MTUS2: variants seen among roughly 807,000 people sequenced by gnomAD.
MTUS2 encodes the protein microtubule associated scaffold protein 2.
A neutral mutation model predicts 114.1 loss-of-function variants in MTUS2; 40 were observed. That is an observed-to-expected ratio of 0.35 (90% confidence interval 0.27 to 0.46). The LOEUF is 0.46. MTUS2 is among the 20% of genes least tolerant of loss of function. The probability of loss-of-function intolerance (pLI) is 1.00; values close to 1 mark genes in which losing one functional copy is unlikely to be tolerated. For missense variants in MTUS2, 1,679 were observed against 1,705.4 expected, an observed-to-expected ratio of 0.98 and a Z score of 0.27; for synonymous variants, 688 against 672.0, an observed-to-expected ratio of 1.02 and a Z score of -0.37.
chr13:29,500,468 T>G (rs993501877), intron 14 of MTUS2, among the ~76,000 whole-genome samples: 2 of 152,196 alleles, frequency 1.3e-5, no homozygotes, highest in Non-Finnish European at 2.9e-5. Context: ...GGGAAAGGCA[T>G]CAATTGCCGG....
At chr13:28,832,632 AATAT>A (rs202097708) in intron 1 of MTUS2, among the ~76,000 whole-genome samples, 1 of 148,604 alleles carries the variant, frequency 6.7e-6, no homozygotes, top group Non-Finnish European at 1.5e-5. Context: ...TAAATATATA[AATAT>A]ATATAATATG....
chr13:29,483,479 C>G (rs907568114), intron 10 of MTUS2, among the ~76,000 whole-genome samples: 1 of 152,168 alleles, frequency 6.6e-6, no homozygotes, highest in Non-Finnish European at 1.5e-5. Context: ...GTTAGAACAC[C>G]GCTTCTCAGC....
rs537029233 is a variant in MTUS2, at chr13:29,010,588, C to T, written c.-242-13869C>T. On this transcript the variant is annotated intron_variant, in intron 2 of 15. Coordinates refer to ENST00000612955, the MANE Select transcript of MTUS2 (RefSeq NM_001033602.4). ...TTGGGGTTGAGAAGGCCGCCACATG[C>T]GGACCACACTCTCAGCCTGTCCGTC... Among the ~76,000 whole-genome samples, 454 of 152,098 alleles carry T rather than the reference C, an allele frequency of 3.0e-3. 1 individual carries two copies. The highest frequency in any genetic ancestry group is 3.7e-3 in the Admixed American group (57 of 15,282).
intron 3 of MTUS2, among the ~76,000 whole-genome samples, chr13:29,032,591 A>T (rs1207921527): frequency 6.6e-6 from 1 of 152,240 alleles, no homozygotes; most frequent in Non-Finnish European, 1.5e-5. Context: ...TGCTATAGCC[A>T]AGGACTATCT....
At chr13:29,028,581 T>C (rs528161157) in intron 3 of MTUS2, among the ~76,000 whole-genome samples, 4 of 151,982 alleles carry the variant, frequency 2.6e-5, no homozygotes, top group Admixed American at 2.6e-4. Flanking sequence ...GTTATCCAGA[T>C]GGCTCTCTCC....
chr13:29,315,342 T>A (rs1566125341), intron 6 of MTUS2, among the ~76,000 whole-genome samples: 1 of 152,202 alleles, frequency 6.6e-6, no homozygotes, highest in Non-Finnish European at 1.5e-5. Flanking sequence ...CACAAAGAAA[T>A]GATCTATGTG....
chr13:28,835,153 C>T (rs1216463678), intron 1 of MTUS2, among the ~76,000 whole-genome samples: 1 of 152,166 alleles, frequency 6.6e-6, no homozygotes, highest in African/African-American at 2.4e-5. Flanking sequence ...CCCAGAAACT[C>T]TCTTCCTAAG....
At chr13:29,035,598 C>T (rs1345415720) in intron 4 of MTUS2, among the ~76,000 whole-genome samples, 1 of 152,186 alleles carries the variant, frequency 6.6e-6, no homozygotes, top group African/African-American at 2.4e-5. Context: ...TCTTTTCTTT[C>T]TGCTGAAACC....
At position 28,820,490 on chromosome 13, in the gene MTUS2, G is replaced by A. The variant is rs1406225714; in HGVS notation, c.-437G>A. 6.6e-6 allele frequency: 1 copy of A among 152,564 alleles called. No homozygotes were observed. The highest frequency in any genetic ancestry group is 2.4e-5 in the African/African-American group (1 of 41,458). The allele number at this position is 152,564 out of a possible 1,614,324, so 9.5% of individuals were successfully genotyped here. ...CGGAGTACAGACCTGTCGGTAAATA[G>A]AAAACTCGAGCTGGAGAGGAGGAGG... On this transcript the variant is annotated 5_prime_UTR_variant, in exon 1 of 16. Coordinates refer to ENST00000612955, the MANE Select transcript of MTUS2 (RefSeq NM_001033602.4).
At chr13:29,166,762 G>A (rs1194543857) in intron 5 of MTUS2, among the ~76,000 whole-genome samples, 1 of 152,068 alleles carries the variant, frequency 6.6e-6, no homozygotes, top group Non-Finnish European at 1.5e-5. Flanking sequence ...ATACTTGCCA[G>A]GTCAGTAGCC....
At chr13:28,845,656 G>GT (rs765883173) in intron 2 of MTUS2, among the ~76,000 whole-genome samples, 5,718 of 150,278 alleles carry the variant, frequency 0.038, 320 homozygotes, top group African/African-American at 0.12. Context: ...TCTCTGTTTT[G>GT]TTTGTTTTTT....
At chr13:29,351,292 A>T (rs2138183293) in intron 7 of MTUS2, among the ~76,000 whole-genome samples, 1 of 152,242 alleles carries the variant, frequency 6.6e-6, no homozygotes, top group African/African-American at 2.4e-5. Context: ...CATCTGGCCT[A>T]GGAGAAGCTT....
chr13:28,881,230 G>C (rs1291073016), intron 2 of MTUS2, among the ~76,000 whole-genome samples: 1 of 152,174 alleles, frequency 6.6e-6, no homozygotes, highest in East Asian at 1.9e-4. Context: ...TGCGGTATTT[G>C]ATTTTCTGTT....
intron 7 of MTUS2, among the ~76,000 whole-genome samples, chr13:29,346,462 C>T (rs1458872516): frequency 2.0e-5 from 3 of 151,882 alleles, no homozygotes; most frequent in African/African-American, 7.3e-5. Flanking sequence ...TGCTGGGTCA[C>T]GCAGGTTGCC....
At chr13:29,011,031 T>C (rs1593380629) in intron 2 of MTUS2, among the ~76,000 whole-genome samples, 1 of 152,202 alleles carries the variant, frequency 6.6e-6, no homozygotes, top group Non-Finnish European at 1.5e-5. Context: ...CACTTATGCA[T>C]ACATGTTGTA....
chr13:28,941,861 G>A lies in MTUS2; in HGVS notation c.-242-82596G>A, dbSNP rs577248587. 1.8e-4 allele frequency among the ~76,000 whole-genome samples: 27 copies of A among 152,226 alleles called. No individual in the cohort carries two copies. In the South Asian group the frequency reaches 5.6e-3, roughly 32 times the overall value. ...GCACTTTAAATTATTTTTTACTAGTGCATGGTTTTCTAACACTATGCATTG... is the reference window on the plus strand; with the variant it reads ...GCACTTTAAATTATTTTTTACTAGTACATGGTTTTCTAACACTATGCATTG... On this transcript the variant is annotated intron_variant, in intron 2 of 15. Transcript: ENST00000612955.
intron 7 of MTUS2, among the ~76,000 whole-genome samples, chr13:29,326,258 G>A (rs1172843048): frequency 6.6e-6 from 1 of 152,182 alleles, no homozygotes; most frequent in South Asian, 2.1e-4. Context: ...CAGTTTAAGA[G>A]CTGGAGTCTG....
rs565347819 is a variant in MTUS2 at position 29,505,113 on chromosome 13, T to C, written c.*1907T>C. ...AGTGGCTCTGCATGATACTGTGATA[T>C]TGAGTTGGGCATTCCATTAGAGTAG... is the stretch of plus-strand genomic sequence containing the variant. On this transcript the variant is annotated 3_prime_UTR_variant, in exon 16 of 16. Coordinates refer to ENST00000612955, the MANE Select transcript of MTUS2 (RefSeq NM_001033602.4). The C allele has an allele frequency of 6.5e-5, 15 of 231,948 alleles. No individual in the cohort carries two copies. The highest frequency in any genetic ancestry group is 2.2e-4 in the African/African-American group (10 of 45,370). 14.4% of individuals were successfully genotyped at this position (231,948 alleles called of 1,614,324 possible).
At chr13:28,918,777 T>G (rs1880885870) in intron 2 of MTUS2, among the ~76,000 whole-genome samples, 1 of 152,160 alleles carries the variant, frequency 6.6e-6, no homozygotes, top group South Asian at 2.1e-4. Context: ...TGTCTTTTAG[T>G]GAAGGTGATG....
Sources: allele counts gnomAD v4.1 joint callset (sites outside exome capture counted in the v4.1 genomes callset), GRCh38; gene constraint gnomAD v4.1.1; transcripts MANE v1.5; gene names NCBI Gene and HGNC (gene_info 2026-07-23, HGNC 2026-07-21).